Variants in SPOCK3 observed in about 807,000 individuals in gnomAD.
SPOCK3 encodes SPARC (osteonectin), cwcv and kazal like domains proteoglycan 3, also known as testican-3.
Under a neutral mutation model 56.6 loss-of-function variants are expected in SPOCK3, and 30 were observed. That is an observed-to-expected ratio of 0.53 (90% confidence interval 0.40 to 0.72). The LOEUF is 0.72. Among genes scored for constraint, SPOCK3 ranks in the 30% least tolerant of loss-of-function variants. The pLI is 0.00. For synonymous variants in SPOCK3, 196 were observed against 183.3 expected (o/e 1.07, Z -0.56); for missense variants, 527 against 530.0 (o/e 0.99, Z 0.06).
At chr4:167,135,793 T>C (rs1185507293) in intron 2 of SPOCK3, among the ~76,000 whole-genome samples, 1 of 151,878 alleles carries the variant, frequency 6.6e-6, no homozygotes, top group African/African-American at 2.4e-5. Context: ...ATAAAGCACT[T>C]GTCAATGGAA....
intron 3 of SPOCK3, among the ~76,000 whole-genome samples, chr4:167,043,027 T>C (rs545732083): frequency 5.9e-5 from 9 of 152,212 alleles, no homozygotes; most frequent in African/African-American, 2.2e-4. Flanking sequence ...TTTTTCTGTC[T>C]CTACAGTTTT....
intron 4 of SPOCK3, among the ~76,000 whole-genome samples, chr4:166,913,750 G>T (rs993486913): frequency 6.6e-6 from 1 of 151,682 alleles, no homozygotes; most frequent in African/African-American, 2.4e-5. Flanking sequence ...CCAGAGTTTG[G>T]GTGGGCATTA....
chr4:167,002,959 T>C (rs937033345), intron 3 of SPOCK3, among the ~76,000 whole-genome samples: 5 of 152,194 alleles, frequency 3.3e-5, no homozygotes, highest in African/African-American at 1.2e-4. Context: ...TCCTTTTGAG[T>C]ATATTTAATC....
intron 3 of SPOCK3, among the ~76,000 whole-genome samples, chr4:167,005,777 G>A (rs1434097766): frequency 6.6e-6 from 1 of 151,724 alleles, no homozygotes; most frequent in Non-Finnish European, 1.5e-5. Context: ...TTGTTGTCGG[G>A]GACTTGCAAA....
intron 2 of SPOCK3, among the ~76,000 whole-genome samples, chr4:167,114,645 G>C (rs1761177984): frequency 6.6e-6 from 1 of 152,098 alleles, no homozygotes; most frequent in Non-Finnish European, 1.5e-5. Flanking sequence ...GACAAGACTT[G>C]GCAATGAATA....
At chr4:167,057,237 C>G (rs1257250988) in intron 3 of SPOCK3, among the ~76,000 whole-genome samples, 67 of 152,206 alleles carry the variant, frequency 4.4e-4, no homozygotes, top group South Asian at 3.1e-3. Flanking sequence ...AGCAAATGCT[C>G]AGCGATTTTG....
rs183151365 is a variant in SPOCK3, at chr4:167,115,520, C to T, written c.190-52983G>A. Reference sequence around the variant, plus strand: ...AGGAGAAAGTAATACTGCTGTAATACTTGAAATAATTGTTGAGGTATTTTT... The same window carrying T: ...AGGAGAAAGTAATACTGCTGTAATATTTGAAATAATTGTTGAGGTATTTTT... On this transcript the variant is annotated intron_variant, in intron 2 of 10. Coordinates refer to ENST00000357545, the MANE Select transcript of SPOCK3 (RefSeq NM_001040159.2). 1.0e-3 allele frequency among the ~76,000 whole-genome samples: 154 copies of T among 152,042 alleles called. 2 individuals are homozygous for T. The highest frequency in any genetic ancestry group is 9.9e-3 in the Admixed American group (151 of 15,232).
chr4:167,185,253 C>A (rs1731843752), intron 2 of SPOCK3, among the ~76,000 whole-genome samples: 1 of 152,148 alleles, frequency 6.6e-6, no homozygotes. Context: ...TTAGGAATCA[C>A]TTTTAACTAA....
intron 2 of SPOCK3, among the ~76,000 whole-genome samples, chr4:167,180,795 A>T (rs1731388512): frequency 2.0e-5 from 3 of 152,208 alleles, no homozygotes; most frequent in Non-Finnish European, 4.4e-5. Flanking sequence ...TTTTAGAATA[A>T]GAACGTCCAT....
At chr4:167,074,065 A>AT (rs1756948913) in intron 2 of SPOCK3, among the ~76,000 whole-genome samples, 1 of 151,764 alleles carries the variant, frequency 6.6e-6, no homozygotes, top group Admixed American at 6.6e-5. Flanking sequence ...AAAAAAAAAA[A>AT]AAATAGCTAG....
chr4:166,892,591 AC>A (rs1734894924), intron 5 of SPOCK3, among the ~76,000 whole-genome samples: 2 of 152,116 alleles, frequency 1.3e-5, no homozygotes, highest in African/African-American at 4.8e-5. Flanking sequence ...CTTAATTACC[AC>A]GAAGCTGAAA....
chr4:166,929,533 T>C (rs1739493320), intron 4 of SPOCK3, among the ~76,000 whole-genome samples: 1 of 144,942 alleles, frequency 6.9e-6, no homozygotes, highest in Non-Finnish European at 1.6e-5. Flanking sequence ...AAGAGCAAGA[T>C]TTCAGTAGCT....
At chr4:167,094,658 G>A (rs1260666892) in intron 2 of SPOCK3, among the ~76,000 whole-genome samples, 6 of 152,032 alleles carry the variant, frequency 3.9e-5, no homozygotes, top group African/African-American at 9.7e-5. Context: ...ACAGGAACGC[G>A]AGAGTTAGTA....
At chr4:166,876,137 TCTC>T (rs1733056927) in intron 6 of SPOCK3, among the ~76,000 whole-genome samples, 1 of 152,028 alleles carries the variant, frequency 6.6e-6, no homozygotes, top group African/African-American at 2.4e-5. Flanking sequence ...ATTAAACAAA[TCTC>T]CTCAGAGAAG....
intron 2 of SPOCK3, among the ~76,000 whole-genome samples, chr4:167,197,587 A>T (rs1403808766): frequency 6.6e-6 from 1 of 150,976 alleles, no homozygotes; most frequent in Non-Finnish European, 1.5e-5. Flanking sequence ...ATTGTACTCG[A>T]ATGTCTTCAT....
At chr4:167,010,611 AATT>A (rs1749943635) in intron 3 of SPOCK3, among the ~76,000 whole-genome samples, 1 of 152,120 alleles carries the variant, frequency 6.6e-6, no homozygotes, top group South Asian at 2.1e-4. Flanking sequence ...ATTCATAAAA[AATT>A]ATTAAATGTA....
chr4:166,943,292 C>T (rs1304318576), intron 4 of SPOCK3, among the ~76,000 whole-genome samples: 3 of 152,132 alleles, frequency 2.0e-5, no homozygotes, highest in East Asian at 1.9e-4. Context: ...GATTTCCGGC[C>T]ACTCATAGCT....
At chr4:167,190,023 CGAA>C (rs1367918894) in intron 2 of SPOCK3, among the ~76,000 whole-genome samples, 1 of 145,522 alleles carries the variant, frequency 6.9e-6, no homozygotes, top group Non-Finnish European at 1.5e-5. Context: ...TATTAATTCA[CGAA>C]GGACACTTAG....
intron 2 of SPOCK3, among the ~76,000 whole-genome samples, chr4:167,210,429 C>A (rs1490632807): frequency 6.6e-6 from 1 of 152,118 alleles, no homozygotes; most frequent in Non-Finnish European, 1.5e-5. Context: ...TCAACTATCA[C>A]AAGGATTCTT....
Sources: allele counts gnomAD v4.1 joint callset (sites outside exome capture counted in the v4.1 genomes callset), GRCh38; gene constraint gnomAD v4.1.1; transcripts MANE v1.5; gene names NCBI Gene and HGNC (gene_info 2026-07-23, HGNC 2026-07-21).